The following AMZ1 variants were observed in gnomAD, a reference collection of about 807,000 sequenced individuals.
The protein encoded by AMZ1 is archaemetzincin-1.
AMZ1 carries 39 observed loss-of-function variants against 29.9 expected under a neutral mutation model. The observed-to-expected ratio is 1.30, with a 90% CI of 1.01 to 1.70. The LOEUF is 1.70. Ranked by LOEUF, AMZ1 falls within the 40% of genes most tolerant of loss-of-function variation. The probability of loss-of-function intolerance (pLI) is 0.00; values close to 1 mark genes in which losing one functional copy is unlikely to be tolerated. For missense variants in AMZ1, 1,041 were observed against 680.6 expected (o/e 1.53, Z -5.89); for synonymous variants, 458 against 304.0 (o/e 1.51, Z -5.27).
rs1205748555 is a variant in AMZ1, at chr7:2,717,575, G to A, written c.*4697G>A. ...GTGCCCAGTTTCAAGGAAACCTAAA[G>A]CAGCAGCAAATTTATGGCTCTTGGA... On this transcript the variant is annotated 3_prime_UTR_variant, in exon 7 of 7. Transcript: ENST00000683327. Among the ~76,000 whole-genome samples, 2 of 152,208 alleles carry A rather than the reference G, an allele frequency of 1.3e-5. No individual in the cohort carries two copies. The highest frequency in any genetic ancestry group is 2.9e-5 in the Non-Finnish European group (2 of 68,046).
chr7:2,721,372 C>T (rs558573486), downstream of AMZ1, among the ~76,000 whole-genome samples: 45 of 152,296 alleles, frequency 3.0e-4, no homozygotes, highest in South Asian at 2.1e-4. Flanking sequence ...TCTGGAAGCC[C>T]GTGGATGCGA....
intron 1 of AMZ1, among the ~76,000 whole-genome samples, chr7:2,682,090 G>A (rs138037451): frequency 0.011 from 1,650 of 152,344 alleles, 35 homozygotes; most frequent in African/African-American, 0.038. Context: ...GGCTTTCAGA[G>A]CTGGGGACCC....
chr7:2,763,778 C>T (rs923990681), upstream of AMZ1, among the ~76,000 whole-genome samples: 1 of 152,152 alleles, frequency 6.6e-6, no homozygotes, highest in Non-Finnish European at 1.5e-5. Flanking sequence ...CTTTTCCTGT[C>T]GCCTGGAACA....
upstream of AMZ1, chr7:2,762,848 A>G: frequency 6.7e-7 from 1 of 1,483,360 alleles, no homozygotes; most frequent in Non-Finnish European, 9.0e-7. Context: ...GCGGCTCCGA[A>G]GCAGGAGAGG....
At chr7:2,708,543 T>G (rs1583171751) in intron 3 of AMZ1, 45 bp from the exon 4 acceptor site, 2 of 1,605,564 alleles carry the variant, frequency 1.2e-6, no homozygotes, top group Non-Finnish European at 1.7e-6. Context: ...AAGATGGGGG[T>G]CCCCGGCTGC....
intron 1 of AMZ1, among the ~76,000 whole-genome samples, chr7:2,689,598 G>T (rs1235726464): frequency 1.3e-5 from 2 of 152,292 alleles, no homozygotes; most frequent in East Asian, 1.9e-4. Context: ...GGCCCCGCTG[G>T]CCCCCAGCTG....
intron 4 of AMZ1, among the ~76,000 whole-genome samples, chr7:2,745,469 T>A (rs975708316): frequency 4.4e-4 from 67 of 152,304 alleles, no homozygotes; most frequent in African/African-American, 1.5e-3. Flanking sequence ...AAGCAAATGC[T>A]GAGAGATTTT....
chr7:2,708,143 G>A (rs1788479244), intron 3 of AMZ1, among the ~76,000 whole-genome samples: 1 of 152,064 alleles, frequency 6.6e-6, no homozygotes, highest in Non-Finnish European at 1.5e-5. Context: ...TTCTTGTGAT[G>A]GCATCAGGCT....
upstream of AMZ1, chr7:2,688,080 T>TG (rs1787156475): frequency 1.3e-5 from 2 of 152,028 alleles, no homozygotes; most frequent in African/African-American, 2.4e-5. Flanking sequence ...CTGGAGGGAG[T>TG]GGGGCAGGAC....
chr7:2,697,392 C>T (rs780595154), intron 1 of AMZ1, among the ~76,000 whole-genome samples: 6 of 151,936 alleles, frequency 3.9e-5, no homozygotes, highest in Admixed American at 1.3e-4. Flanking sequence ...CTGCTGCGCC[C>T]GGCTCTATTT....
chr7:2,679,675 C>T (rs1011895022), intron 1 of AMZ1: 11 of 152,382 alleles, frequency 7.2e-5, no homozygotes, highest in Non-Finnish European at 1.5e-4. Context: ...TGAACAGGTA[C>T]TTGTAAGAGT....
chr7:2,763,048 C>T (rs2115403743), upstream of AMZ1: 3 of 1,247,408 alleles, frequency 2.4e-6, no homozygotes, highest in East Asian at 9.4e-5. Flanking sequence ...CGTGCCGTTC[C>T]TCCAGGACGC....
In AMZ1 at chr7:2,691,470, C is replaced by T. The variant is rs140862790; in HGVS notation, c.-219+3174C>T. Reference sequence around the variant, plus strand: ...TCAGAAAGTGATTTTGGGCCGGGCGCGGTGGCTCACACATATAATCCCAGC... The same window carrying T: ...TCAGAAAGTGATTTTGGGCCGGGCGTGGTGGCTCACACATATAATCCCAGC... On this transcript the variant is annotated intron_variant, in intron 1 of 6. Transcript: ENST00000683327. Among the ~76,000 whole-genome samples, 713 of 148,364 alleles carry T rather than the reference C, an allele frequency of 4.8e-3. 18 individuals are homozygous for T. Among genetic ancestry groups the T allele is most frequent in the Non-Finnish European group, 6.9e-3 (467 of 67,878 alleles).
At chr7:2,727,150 C>A (rs976717774) in intron 4 of AMZ1, among the ~76,000 whole-genome samples, 1 of 152,124 alleles carries the variant, frequency 6.6e-6, no homozygotes, top group African/African-American at 2.4e-5. Context: ...GGCATGATCT[C>A]GGCTCACTGC....
chr7:2,742,873 T>C (rs910628311), intron 4 of AMZ1, among the ~76,000 whole-genome samples: 3 of 152,260 alleles, frequency 2.0e-5, no homozygotes, highest in Admixed American at 2.0e-4. Flanking sequence ...TTTCTGTATA[T>C]TGGCTTGTGC....
intron 3 of AMZ1, 123 bp from the exon 4 acceptor site, chr7:2,708,465 C>A: frequency 6.9e-7 from 1 of 1,457,866 alleles, no homozygotes; most frequent in Non-Finnish European, 9.2e-7. Flanking sequence ...TGGTGGCCCA[C>A]ACCTGACTTG....
chr7:2,690,021 G>A lies in AMZ1; in HGVS notation c.-219+1725G>A, dbSNP rs527740810. ...ACCGGGGTTTTCCTGAATGACCCACGAAGACGAATGTGGCCACAAGGCTTC... is the reference window on the plus strand; with the variant it reads ...ACCGGGGTTTTCCTGAATGACCCACAAAGACGAATGTGGCCACAAGGCTTC... On this transcript the variant is annotated intron_variant, in intron 1 of 6. Coordinates refer to ENST00000683327, the MANE Select transcript of AMZ1 (RefSeq NM_001384743.1). Among the ~76,000 whole-genome samples, 8 of 152,316 alleles carry A rather than the reference G, an allele frequency of 5.3e-5. No individual in the cohort carries two copies. The East Asian group carries it at 1.2e-3, about 22-fold the overall frequency.
At position 2,717,595 on chromosome 7, in the gene AMZ1, C is replaced by G. The variant is rs1789204654; in HGVS notation, c.*4717C>G. On this transcript the variant is annotated 3_prime_UTR_variant, in exon 7 of 7. Transcript: ENST00000683327. ...CTAAAGCAGCAGCAAATTTATGGCT[C>G]TTGGAACACGAGGCTGTCAAAGATA... 6.6e-6 allele frequency among the ~76,000 whole-genome samples: 1 copy of G among 152,142 alleles called. No homozygotes were observed. Among genetic ancestry groups the G allele is most frequent in the Non-Finnish European group, 1.5e-5 (1 of 67,990 alleles).
chr7:2,723,705 A>G (rs1789511006), downstream of AMZ1, among the ~76,000 whole-genome samples: 1 of 152,162 alleles, frequency 6.6e-6, no homozygotes, highest in Non-Finnish European at 1.5e-5. Context: ...GAAGTTGCAG[A>G]CAGCAACGAT....
Sources: allele counts gnomAD v4.1 joint callset (sites outside exome capture counted in the v4.1 genomes callset), GRCh38; gene constraint gnomAD v4.1.1; transcripts MANE v1.5; gene names NCBI Gene and HGNC (gene_info 2026-07-23, HGNC 2026-07-21).